ZNF783: variants seen among roughly 807,000 people sequenced by gnomAD.
The protein encoded by ZNF783 is protein ZNF783.
In ZNF783, 25 loss-of-function variants were observed where a neutral mutation model predicts 31.3. That is an observed-to-expected ratio of 0.80 (90% CI 0.58 to 1.11). The LOEUF is 1.11. Ranked by LOEUF, ZNF783 falls within the 50% of genes most tolerant of loss-of-function variation. ZNF783 has a pLI of 0.00. For missense variants in ZNF783, 797 were observed against 760.0 expected, an observed-to-expected ratio of 1.05 and a Z score of -0.57; for synonymous variants, 369 against 319.1, an observed-to-expected ratio of 1.16 and a Z score of -1.66.
At chr7:149,272,576 T>C (rs1345686261) in intron 4 of ZNF783, among the ~76,000 whole-genome samples, 1 of 152,046 alleles carries the variant, frequency 6.6e-6, no homozygotes, top group Non-Finnish European at 1.5e-5. Context: ...TTTTTTCCTT[T>C]AGAACTCTTT....
At chr7:149,265,265 G>A (rs954883380) in intron 1 of ZNF783, among the ~76,000 whole-genome samples, 1 of 152,138 alleles carries the variant, frequency 6.6e-6, no homozygotes, top group Non-Finnish European at 1.5e-5. Flanking sequence ...GCACAATGAG[G>A]GCTTGTGAAT....
intron 4 of ZNF783, among the ~76,000 whole-genome samples, chr7:149,273,317 G>A (rs576903993): frequency 6.6e-6 from 1 of 152,110 alleles, no homozygotes; most frequent in African/African-American, 2.4e-5. Flanking sequence ...TTTTTTTGAG[G>A]CACCTCCATA....
At position 149,278,021 on chromosome 7, in the gene ZNF783, A is replaced by G. The variant is rs115083282; in HGVS notation, c.674-378A>G. The G allele has an allele frequency of 4.0e-3, 1,329 of 336,050 alleles. 9 individuals are homozygous for G. The highest frequency in any genetic ancestry group is 0.026 in the African/African-American group (1,229 of 47,092). The allele number at this position is 336,050 out of a possible 1,614,324, so 20.8% of individuals were successfully genotyped here. A position where few individuals can be genotyped will look rare whatever the true frequency, so the allele number is the denominator to read the frequency against. ...GTTTCTGCCCTGCCTTGGGTCCCCT[A>G]TGCCATAAGAGCAGCTTGGAGGAGG... On this transcript the variant is annotated intron_variant, in intron 4 of 5. Coordinates refer to ENST00000434415, the MANE Select transcript of ZNF783 (RefSeq NM_001195220.2).
rs987427961 is a variant in ZNF783, at chr7:149,283,820, G to T, written c.*1477G>T. 1 of 152,242 alleles carries T rather than the reference G, an allele frequency of 6.6e-6. No homozygotes were observed. Among genetic ancestry groups the T allele is most frequent in the Non-Finnish European group, 1.5e-5 (1 of 68,056 alleles). 9.4% of individuals were successfully genotyped at this position (152,242 alleles called of 1,614,324 possible). ...TAACAGGCACTGGGACAAATATGAA[G>T]CCTAGCTTTGTGCTTCCTTTCAAAT... is the stretch of plus-strand genomic sequence containing the variant. On this transcript the variant is annotated 3_prime_UTR_variant, in exon 6 of 6. Coordinates refer to ENST00000434415, the MANE Select transcript of ZNF783 (RefSeq NM_001195220.2).
intron 4 of ZNF783, among the ~76,000 whole-genome samples, chr7:149,273,403 G>A (rs77861078): frequency 6.6e-6 from 1 of 151,972 alleles, no homozygotes; most frequent in Non-Finnish European, 1.5e-5. Context: ...CCACATCCTC[G>A]CCAGCATGTG....
chr7:149,276,618 T>G (rs1433208776), intron 4 of ZNF783: 1 of 985,140 alleles, frequency 1.0e-6, no homozygotes, highest in East Asian at 1.1e-4. Context: ...GAACCTCAGT[T>G]GAGGTAGAGT....
chr7:149,263,958 G>C (rs1224537940), intron 1 of ZNF783, among the ~76,000 whole-genome samples: 1 of 152,098 alleles, frequency 6.6e-6, no homozygotes, highest in African/African-American at 2.4e-5. Context: ...GGGGGCCCTA[G>C]AAGGTGACAT....
intron 1 of ZNF783, 39 bp downstream of exon 1, chr7:149,262,396 G>GGCC: frequency 1.6e-6 from 2 of 1,217,644 alleles, no homozygotes; most frequent in South Asian, 6.9e-5. Context: ...GGAAGGCCCA[G>GGCC]GCCGCCGCCG....
chr7:149,266,800 G>T lies in ZNF783; in HGVS notation c.421-19G>T. The T allele has an allele frequency of 6.2e-7, 1 of 1,613,990 alleles. No homozygotes were observed. The highest frequency in any genetic ancestry group is 1.1e-5 in the South Asian group (1 of 91,080). On this transcript the variant is annotated intron_variant, in intron 2 of 5. Coordinates refer to ENST00000434415, the MANE Select transcript of ZNF783 (RefSeq NM_001195220.2). Reference sequence around the variant, plus strand: ...CCTGTGAGCGTGTGGGTGAGTGAGTGCGACACTTATGGTTCCAGGTGCCCG... The same window carrying T: ...CCTGTGAGCGTGTGGGTGAGTGAGTTCGACACTTATGGTTCCAGGTGCCCG...
At chr7:149,272,742 C>A (rs1335113124) in intron 4 of ZNF783, among the ~76,000 whole-genome samples, 2 of 152,136 alleles carry the variant, frequency 1.3e-5, no homozygotes, top group African/African-American at 4.8e-5. Flanking sequence ...GTATTATAAA[C>A]ATTCCAATTA....
chr7:149,271,051 G>T (rs1462639183), intron 4 of ZNF783, among the ~76,000 whole-genome samples: 1 of 152,082 alleles, frequency 6.6e-6, no homozygotes, highest in Admixed American at 6.5e-5. Flanking sequence ...CCATTCTCCT[G>T]CCTCAGCCTC....
At position 149,279,634 on chromosome 7, in the gene ZNF783, T is replaced by G. The variant is rs7779396; in HGVS notation, c.802+1107T>G. ...GCTAGCACCAGCATTTTATCTTTGT[T>G]TTTTTTTTTTTTTTTTTTTTAATTT... On this transcript the variant is annotated intron_variant, in intron 5 of 5. Coordinates refer to ENST00000434415, the MANE Select transcript of ZNF783 (RefSeq NM_001195220.2). Among the ~76,000 whole-genome samples the G allele has an allele frequency of 1.3e-3, 116 of 92,128 alleles. 1 individual carries two copies. The highest frequency in any genetic ancestry group is 1.7e-3 in the Non-Finnish European group (66 of 38,906). The allele number at this position is 92,128 out of a possible 152,430, so 60.4% of individuals were successfully genotyped here. A position where few individuals can be genotyped will look rare whatever the true frequency, so the allele number is the denominator to read the frequency against.
chr7:149,279,632 G>GTTTTTTTTTTTTTTTTTTTTTAATTTT, intron 5 of ZNF783, among the ~76,000 whole-genome samples: 1 of 100,342 alleles, frequency 1.0e-5, no homozygotes, highest in Non-Finnish European at 2.0e-5. Context: ...TTTTATCTTT[G>GTTTTTTTTTTTTTTTTTTTTTAATTTT]TTTTTTTTTT....
In ZNF783 at chr7:149,275,061, C is replaced by T. The variant is rs986335728; in HGVS notation, c.674-3338C>T. On this transcript the variant is annotated intron_variant, in intron 4 of 5. Transcript: ENST00000434415. ...ATATCTTTCCATTTTTTGGTGTCCTCTTCAATTTCTTGCATTAATGTTTCA... is the reference window on the plus strand; with the variant it reads ...ATATCTTTCCATTTTTTGGTGTCCTTTTCAATTTCTTGCATTAATGTTTCA... 1.1e-3 allele frequency among the ~76,000 whole-genome samples: 173 copies of T among 152,236 alleles called. 2 individuals are homozygous for T. The highest frequency in any genetic ancestry group is 4.0e-3 in the African/African-American group (165 of 41,548).
rs759067027 is a variant in ZNF783, at chr7:149,282,233, G to A, written c.1531G>A (p.Val511Met). The A allele has an allele frequency of 3.8e-6, 6 of 1,598,030 alleles. No individual in the cohort carries two copies. In the African/African-American group the frequency reaches 4.0e-5, roughly 11 times the overall value. Residue 511 changes from valine (V) to methionine (M), a missense_variant, in exon 6 of 6, where the codon GTG becomes ATG. Physicochemically the swap from Val to Met is conservative, Grantham distance 21 (BLOSUM62 1). Coordinates refer to ENST00000434415, the MANE Select transcript of ZNF783 (RefSeq NM_001195220.2). The stretch of plus-strand genomic sequence containing the variant: ...CTTCAACCGCAACCACCACCTGGCC[G>A]TGCACATGCAGACCCACGCCCGAGG... Reference protein sequence around the residue: ...RTFNRNHHLAVHMQTHARGQV... With the variant: ...RTFNRNHHLAMHMQTHARGQV...
intron 4 of ZNF783, chr7:149,276,596 T>C: frequency 1.0e-6 from 1 of 985,404 alleles, no homozygotes; most frequent in Non-Finnish European, 1.2e-6. Context: ...TTTTACCTCT[T>C]CTGTTAGAAG....
intron 4 of ZNF783, among the ~76,000 whole-genome samples, chr7:149,271,185 G>T (rs1797202867): frequency 6.6e-6 from 1 of 152,230 alleles, no homozygotes; most frequent in East Asian, 1.9e-4. Flanking sequence ...TGATCTGCCT[G>T]CCTCGGCCTT....
intron 1 of ZNF783, among the ~76,000 whole-genome samples, chr7:149,264,711 G>A (rs1797022064): frequency 6.6e-6 from 1 of 151,804 alleles, no homozygotes; most frequent in Non-Finnish European, 1.5e-5. Context: ...TGTCTCTACT[G>A]AAAATATAAA....
intron 4 of ZNF783, 143 bp from the exon 5 acceptor site, chr7:149,278,256 G>A: frequency 2.1e-6 from 3 of 1,441,090 alleles, no homozygotes; most frequent in South Asian, 2.9e-5. Context: ...CAGGTATTTG[G>A]TGGGGTCCAC....
Sources: gnomAD v4.1 joint callset for allele counts (sites outside exome capture counted in the v4.1 genomes callset) on GRCh38, gnomAD v4.1.1 for gene constraint, MANE v1.5 for transcripts, NCBI Gene and HGNC (gene_info 2026-07-23, HGNC 2026-07-21) for gene names.